The following PYROXD1 variants were observed in gnomAD, a reference collection of about 807,000 sequenced individuals.
PYROXD1 encodes pyridine nucleotide-disulphide oxidoreductase domain 1, also known as tRNA ligase complex-associated NAD(P)H dehydrogenase PYROXD1.
A neutral mutation model predicts 62.0 loss-of-function variants in PYROXD1; 42 were observed. That is an observed-to-expected ratio of 0.68 (90% CI 0.53 to 0.88). The LOEUF is 0.88. Among genes scored for constraint, PYROXD1 ranks in the 40% least tolerant of loss-of-function variants. The probability of loss-of-function intolerance (pLI) is 0.00; values close to 1 mark genes in which losing one functional copy is unlikely to be tolerated. For synonymous variants in PYROXD1, 170 were observed against 206.4 expected (o/e 0.82, Z 1.51); for missense variants, 493 against 604.8 (o/e 0.82, Z 1.94).
At chr12:21,451,820 A>G (rs967322830) in intron 4 of PYROXD1, among the ~76,000 whole-genome samples, 1 of 152,136 alleles carries the variant, frequency 6.6e-6, no homozygotes, top group African/African-American at 2.4e-5. Flanking sequence ...ATTCTGAAGT[A>G]CTGTAAATGT....
At chr12:21,444,603 A>T (rs1468354155) in intron 2 of PYROXD1, among the ~76,000 whole-genome samples, 1 of 152,204 alleles carries the variant, frequency 6.6e-6, no homozygotes, top group Non-Finnish European at 1.5e-5. Context: ...TTTCAGATCT[A>T]TTCTATGATC....
Position 21,466,621 on chromosome 12 carries a change from G to C in PYROXD1, c.1117-860G>C, listed in dbSNP as rs1257012591. 2.0e-5 allele frequency among the ~76,000 whole-genome samples: 3 copies of C among 152,154 alleles called. 1 individual carries two copies. In the East Asian group the frequency reaches 5.8e-4, roughly 29 times the overall value. On this transcript the variant is annotated intron_variant, in intron 10 of 11. Transcript: ENST00000240651. ...TGTCATCTGCAAACAGGGACAATTT[G>C]ACTTCCTCTTTTCCTAATTGAATGC...
intron 11 of PYROXD1, among the ~76,000 whole-genome samples, chr12:21,468,277 A>G (rs568103858): frequency 1.1e-4 from 17 of 152,232 alleles, no homozygotes; most frequent in Admixed American, 3.3e-4. Context: ...ACATTTGACT[A>G]TATTCACCAG....
At position 21,468,896 on chromosome 12, in the gene PYROXD1, A is replaced by G. The variant is rs1166974859; in HGVS notation, c.*142A>G. The G allele has an allele frequency of 1.3e-6, 1 of 775,528 alleles. No homozygotes were observed. The highest frequency in any genetic ancestry group is 1.8e-5 in the African/African-American group (1 of 57,102). The allele number at this position is 775,528 out of a possible 1,614,324, so 48.0% of individuals were successfully genotyped here. Reference sequence around the variant, plus strand: ...GATAATGATATTAGTGGAAAAATATAAAAACATAAATTCTAAGTTTGAAAT... The same window carrying G: ...GATAATGATATTAGTGGAAAAATATGAAAACATAAATTCTAAGTTTGAAAT... On this transcript the variant is annotated 3_prime_UTR_variant, in exon 12 of 12. Transcript: ENST00000240651.
chr12:21,441,979 C>G (rs1942303628), intron 2 of PYROXD1, among the ~76,000 whole-genome samples: 1 of 152,252 alleles, frequency 6.6e-6, no homozygotes, highest in African/African-American at 2.4e-5. Flanking sequence ...GCTCCGTCAG[C>G]TGAGTTAATT....
intron 7 of PYROXD1, among the ~76,000 whole-genome samples, chr12:21,459,434 C>T (rs970039601): frequency 6.6e-6 from 1 of 152,194 alleles, no homozygotes; most frequent in Non-Finnish European, 1.5e-5. Context: ...TTCTTCGTGA[C>T]ATCCTTGATA....
chr12:21,468,542 G>A lies in PYROXD1; in HGVS notation c.1291G>A (p.Gly431Ser). The A allele has an allele frequency of 6.2e-7, 1 of 1,612,748 alleles. No homozygotes were observed. Among genetic ancestry groups the A allele is most frequent in the Non-Finnish European group, 8.5e-7 (1 of 1,179,140 alleles). The change falls in exon 12 of 12, where the codon GGT (glycine) becomes AGT (serine). Residue 431 changes from glycine (G) to serine (S), a missense_variant. Gly to Ser is a moderately conservative substitution (Grantham distance 56, BLOSUM62 0). Coordinates refer to ENST00000240651, the MANE Select transcript of PYROXD1 (RefSeq NM_024854.5). ...GGGAAAATACAATGCACAGGGCTTA[G>A]GTTCAGATCATGAATTAATGCTGAG... Reference protein sequence around the residue: ...LLGKYNAQGLGSDHELMLRCT... With the variant: ...LLGKYNAQGLSSDHELMLRCT...
intron 7 of PYROXD1, among the ~76,000 whole-genome samples, chr12:21,458,796 C>T (rs1009135023): frequency 6.6e-6 from 1 of 151,960 alleles, no homozygotes; most frequent in Admixed American, 6.6e-5. Context: ...TTCATGACAC[C>T]CCAAGACAAT....
chr12:21,468,645 C>T lies in PYROXD1; in HGVS notation c.1394C>T (p.Thr465Ile). 3.1e-6 allele frequency: 5 copies of T among 1,612,858 alleles called. No homozygotes were observed. The highest frequency in any genetic ancestry group is 1.7e-5 in the Admixed American group (1 of 59,810). ...RMMGAVLIGE[T>I]DLEETFENLI... Reference sequence around the variant, plus strand: ...ATGGGAGCTGTCTTAATTGGTGAAACCGATTTAGAAGAAACATTTGAAAAC... The same window carrying T: ...ATGGGAGCTGTCTTAATTGGTGAAATCGATTTAGAAGAAACATTTGAAAAC... Residue 465 changes from threonine (T) to isoleucine (I), a missense_variant, in exon 12 of 12, where the codon ACC becomes ATC. By Grantham distance (89) the Thr-to-Ile change is moderately conservative (BLOSUM62 -1). Around this residue, in one of 2 missense-constraint regions of PYROXD1, gnomAD observed 329 missense variants for 446.6 expected, o/e 0.74. Coordinates refer to ENST00000240651, the MANE Select transcript of PYROXD1 (RefSeq NM_024854.5).
At chr12:21,453,268 A>T (rs939175419) in intron 5 of PYROXD1, among the ~76,000 whole-genome samples, 2 of 152,004 alleles carry the variant, frequency 1.3e-5, no homozygotes, top group Non-Finnish European at 2.9e-5. Context: ...ATTTTCTTTA[A>T]GTTGGAGATT....
At chr12:21,462,596 T>C in intron 9 of PYROXD1, 144 bp from the exon 10 acceptor site, 1 of 814,570 alleles carries the variant, frequency 1.2e-6, no homozygotes, top group Non-Finnish European at 1.9e-6. Context: ...TCAGCTCAGG[T>C]GTCTAAACTT....
At chr12:21,460,239 T>C (rs1190179165) in intron 7 of PYROXD1, among the ~76,000 whole-genome samples, 1 of 128,524 alleles carries the variant, frequency 7.8e-6, no homozygotes, top group Admixed American at 7.8e-5. Context: ...CCTAATATTA[T>C]ATTTTTAACC....
intron 9 of PYROXD1, 143 bp from the exon 10 acceptor site, chr12:21,462,597 G>A (rs1022280552): frequency 4.6e-6 from 4 of 861,934 alleles, no homozygotes; most frequent in East Asian, 2.6e-5. Context: ...CAGCTCAGGT[G>A]TCTAAACTTT....
intron 5 of PYROXD1, among the ~76,000 whole-genome samples, chr12:21,452,936 G>A (rs1260906304): frequency 4.6e-5 from 7 of 151,982 alleles, no homozygotes; most frequent in Non-Finnish European, 7.4e-5. Flanking sequence ...CTCTTTTAGC[G>A]GATGATCTCA....
At position 21,456,031 on chromosome 12, in the gene PYROXD1, A is replaced by G. The variant is rs1177867844; in HGVS notation, c.686A>G (p.Asp229Gly). The G allele has an allele frequency of 5.6e-6, 9 of 1,611,674 alleles. No individual in the cohort carries two copies. Among genetic ancestry groups the G allele is most frequent in the Non-Finnish European group, 6.8e-6 (8 of 1,178,692 alleles). Residue 229 changes from aspartate to glycine, a missense_variant, in exon 7 of 12, where the codon GAT (aspartate) becomes GGT (glycine). By Grantham distance (94) the Asp-to-Gly change is moderately conservative. This residue lies in a region of PYROXD1 where 329 missense variants were observed against 446.6 expected (regional missense o/e 0.74). Coordinates refer to ENST00000240651, the MANE Select transcript of PYROXD1 (RefSeq NM_024854.5). ...KKEARSKSKA[D>G]NVGSALGPDW... ...GAAGCTAGAAGCAAATCTAAAGCAGATAATGTAGGAAGTGCATTGGGACCA... is the reference window on the plus strand; with the variant it reads ...GAAGCTAGAAGCAAATCTAAAGCAGGTAATGTAGGAAGTGCATTGGGACCA...
intron 10 of PYROXD1, among the ~76,000 whole-genome samples, chr12:21,464,137 G>A (rs866689319): frequency 6.8e-6 from 1 of 146,834 alleles, no homozygotes; most frequent in Non-Finnish European, 1.5e-5. Context: ...GAGTTTATGG[G>A]TTTTTTTTTT....
chr12:21,443,978 A>G (rs1403499241), intron 2 of PYROXD1, among the ~76,000 whole-genome samples: 1 of 152,222 alleles, frequency 6.6e-6, no homozygotes, highest in African/African-American at 2.4e-5. Flanking sequence ...CTGTATACAT[A>G]AGAGAAGGAT....
intron 7 of PYROXD1, chr12:21,456,885 C>A (rs1355461241): frequency 8.8e-6 from 4 of 455,080 alleles, no homozygotes; most frequent in Non-Finnish European, 1.3e-5. Flanking sequence ...AGCATCCTCA[C>A]CAGAAGTAAA....
chr12:21,456,872 C>CA (rs144507122), intron 7 of PYROXD1: 7 of 455,400 alleles, frequency 1.5e-5, no homozygotes, highest in East Asian at 7.0e-5. Context: ...CAGCAATACT[C>CA]ACAGCATCCT....
Sources: allele counts gnomAD v4.1 joint callset (sites outside exome capture counted in the v4.1 genomes callset), GRCh38; gene constraint gnomAD v4.1.1; regional missense constraint gnomAD v4.1.1; transcripts MANE v1.5; gene names NCBI Gene and HGNC (gene_info 2026-07-23, HGNC 2026-07-21).